PARD3: variants seen among roughly 807,000 people sequenced by gnomAD.
PARD3 encodes the protein par-3 family cell polarity regulator.
In PARD3, 75 loss-of-function variants were observed where a neutral mutation model predicts 155.4. The ratio of observed to expected loss-of-function variants is 0.48; its 90% confidence interval spans 0.40 to 0.58. The LOEUF is 0.58. Among genes scored for constraint, PARD3 ranks in the 20% least tolerant of loss-of-function variants. The pLI, the probability that PARD3 is intolerant of heterozygous loss-of-function variation, is 0.00. For synonymous variants in PARD3, 576 were observed against 610.5 expected (o/e 0.94, Z 0.83); for missense variants, 1,642 against 1,721.7 (o/e 0.95, Z 0.82).
At chr10:34,684,421 G>A (rs930462142) in intron 2 of PARD3, among the ~76,000 whole-genome samples, 1 of 152,180 alleles carries the variant, frequency 6.6e-6, no homozygotes, top group East Asian at 1.9e-4. Flanking sequence ...ATATCCAGCT[G>A]CCGAACTAAC....
intron 19 of PARD3, 71 bp downstream of exon 19, chr10:34,331,046 G>A (rs1589204947): frequency 8.4e-7 from 1 of 1,183,638 alleles, no homozygotes; most frequent in South Asian, 1.3e-5. Flanking sequence ...AAACTCCAGG[G>A]CTCCCTGGAG....
chr10:34,413,038 G>T (rs894046163), intron 5 of PARD3, among the ~76,000 whole-genome samples: 2 of 151,794 alleles, frequency 1.3e-5, no homozygotes, highest in Non-Finnish European at 2.9e-5. Flanking sequence ...ACAGGATCAA[G>T]ATGACTGCTT....
At chr10:34,529,376 G>T (rs921150010) in intron 2 of PARD3, among the ~76,000 whole-genome samples, 4 of 152,150 alleles carry the variant, frequency 2.6e-5, no homozygotes, top group Admixed American at 6.5e-5. Context: ...CAAAACTAGG[G>T]AAAGAAAAGT....
chr10:34,694,176 AAAG>A (rs932016918), intron 2 of PARD3, among the ~76,000 whole-genome samples: 3 of 152,036 alleles, frequency 2.0e-5, no homozygotes, highest in African/African-American at 7.2e-5. Context: ...GAAACAAAAA[AAAG>A]AAGGACGAAG....
At chr10:34,808,283 C>A (rs1843653879) in intron 1 of PARD3, among the ~76,000 whole-genome samples, 2 of 152,074 alleles carry the variant, frequency 1.3e-5, no homozygotes, top group South Asian at 4.1e-4. Context: ...CACTTCACTC[C>A]AGCCTGGGTG....
At position 34,526,080 on chromosome 10, in the gene PARD3, C is replaced by CAA. The variant is rs765686445; in HGVS notation, c.223-8923_223-8922dup. 1.4e-3 allele frequency among the ~76,000 whole-genome samples: 73 copies of CAA among 51,824 alleles called. 2 individuals carry two copies. The highest frequency in any genetic ancestry group is 1.3e-3 in the Non-Finnish European group (36 of 27,474). 34.0% of individuals were successfully genotyped at this position (51,824 alleles called of 152,430 possible). A position where few individuals can be genotyped will look rare whatever the true frequency, so the allele number is the denominator to read the frequency against. The stretch of plus-strand genomic sequence containing the variant: ...CTGGTGGCAGAGAGAGACTCCGTAT[C>CAA]AAAAAAAAAAAAAAAAAAAAAAAAA... On this transcript the variant is annotated intron_variant, in intron 2 of 24. Coordinates refer to ENST00000374788, the MANE Select transcript of PARD3 (RefSeq NM_001184785.2).
At chr10:34,523,751 AC>A (rs781254894) in intron 2 of PARD3, among the ~76,000 whole-genome samples, 57 of 152,242 alleles carry the variant, frequency 3.7e-4, no homozygotes, top group Admixed American at 1.8e-3. Context: ...CAAAAACTTA[AC>A]AATAAAACTA....
At chr10:34,189,889 A>C (rs941204822) in intron 22 of PARD3, among the ~76,000 whole-genome samples, 2 of 152,234 alleles carry the variant, frequency 1.3e-5, no homozygotes, top group Non-Finnish European at 2.9e-5. Flanking sequence ...TTGAGCTTTC[A>C]AGTGAAAATC....
At chr10:34,375,054 AC>A in intron 10 of PARD3, 52 bp from the exon 11 acceptor site, 12 of 114,242 alleles carry the variant, frequency 1.1e-4, no homozygotes, top group Admixed American at 1.5e-4. Context: ...CAACAGGAAA[AC>A]ACACACACAC....
intron 2 of PARD3, among the ~76,000 whole-genome samples, chr10:34,651,011 C>CCAAAAAAA (rs1404556380): frequency 4.5e-5 from 2 of 44,520 alleles, no homozygotes; most frequent in Non-Finnish European, 4.0e-5. Flanking sequence ...AACTCTGTCT[C>CCAAAAAAA]AAAAAAAAAA....
In PARD3 at chr10:34,111,090, T is replaced by A. The variant is rs1215089882; in HGVS notation, c.*79A>T. ...ATACTCCATAGTACCATCGAGGTTT[T>A]AAAAAAACTCCCAAAATACAAGTCT... On this transcript the variant is annotated 3_prime_UTR_variant, in exon 25 of 25. Transcript: ENST00000374788. The A allele has an allele frequency of 6.8e-7, 1 of 1,477,254 alleles. No individual in the cohort carries two copies. The highest frequency in any genetic ancestry group is 9.1e-7 in the Non-Finnish European group (1 of 1,103,724). The allele number at this position is 1,477,254 out of a possible 1,614,324, so 91.5% of individuals were successfully genotyped here.
At chr10:34,269,594 C>T in intron 22 of PARD3, 63 bp downstream of exon 22, 2 of 1,574,506 alleles carry the variant, frequency 1.3e-6, no homozygotes, top group East Asian at 2.3e-5. Flanking sequence ...TGGTCTACTC[C>T]CCTGTCAGAA....
intron 2 of PARD3, among the ~76,000 whole-genome samples, chr10:34,618,089 T>C (rs886543130): frequency 1.3e-5 from 2 of 152,192 alleles, no homozygotes; most frequent in African/African-American, 4.8e-5. Flanking sequence ...CACAGGGCTG[T>C]TTAAAACATT....
chr10:34,560,034 T>A (rs1216163123), intron 2 of PARD3, among the ~76,000 whole-genome samples: 1 of 152,222 alleles, frequency 6.6e-6, no homozygotes, highest in African/African-American at 2.4e-5. Flanking sequence ...TATAATTATT[T>A]ATCTGCATCA....
chr10:34,350,214 A>G, intron 14 of PARD3, among the ~76,000 whole-genome samples: 1 of 152,210 alleles, frequency 6.6e-6, no homozygotes, highest in East Asian at 1.9e-4. Context: ...AGCTTAGGAA[A>G]TAGAAATGTG....
intron 20 of PARD3, among the ~76,000 whole-genome samples, chr10:34,292,912 A>G (rs1294279242): frequency 6.6e-6 from 1 of 152,142 alleles, no homozygotes; most frequent in African/African-American, 2.4e-5. Flanking sequence ...GTAACCTGAC[A>G]CTTCAGAAGT....
intron 3 of PARD3, among the ~76,000 whole-genome samples, chr10:34,512,783 T>C (rs1222079912): frequency 2.0e-5 from 3 of 152,200 alleles, no homozygotes; most frequent in Admixed American, 6.5e-5. Context: ...CTTATATCTG[T>C]ACACTTTTTC....
At chr10:34,376,928 AAACATATTTTTC>A (rs796266429) in intron 10 of PARD3, among the ~76,000 whole-genome samples, 15 of 152,366 alleles carry the variant, frequency 9.8e-5, no homozygotes, top group African/African-American at 3.4e-4. Context: ...AAATGGTTTA[AAACATATTTTTC>A]AATTTTCTCT....
chr10:34,165,572 C>T (rs1949491503), intron 22 of PARD3, among the ~76,000 whole-genome samples: 1 of 152,180 alleles, frequency 6.6e-6, no homozygotes, highest in African/African-American at 2.4e-5. Flanking sequence ...AGTGCCACCC[C>T]TCTCTGCCTT....
Sources: gnomAD v4.1 joint callset for allele counts (sites outside exome capture counted in the v4.1 genomes callset) on GRCh38, gnomAD v4.1.1 for gene constraint, MANE v1.5 for transcripts, NCBI Gene and HGNC (gene_info 2026-07-23, HGNC 2026-07-21) for gene names.